TBC1D15: variants seen among roughly 807,000 people sequenced by gnomAD.
The protein encoded by TBC1D15 is GAP for RAB7.
In TBC1D15, 39 loss-of-function variants were observed where a neutral mutation model predicts 95.4. The observed-to-expected ratio is 0.41, with a 90% confidence interval of 0.32 to 0.53. The LOEUF is 0.53. Ranked by LOEUF, TBC1D15 falls within the 20% of genes least tolerant of loss-of-function variation. TBC1D15 has a pLI of 0.29. For missense variants in TBC1D15, 733 were observed against 794.3 expected, an observed-to-expected ratio of 0.92 and a Z score of 0.93; for synonymous variants, 258 against 261.3, an observed-to-expected ratio of 0.99 and a Z score of 0.12.
At chr12:71,887,538 A>G (rs1592764530) in intron 5 of TBC1D15, among the ~76,000 whole-genome samples, 1 of 152,296 alleles carries the variant, frequency 6.6e-6, no homozygotes, top group Non-Finnish European at 1.5e-5. Flanking sequence ...TTCAGTTCCT[A>G]AAACCCCCTA....
chr12:71,878,411 C>CAGAGAGAG (rs148681015), intron 3 of TBC1D15, among the ~76,000 whole-genome samples: 15 of 148,798 alleles, frequency 1.0e-4, no homozygotes, highest in African/African-American at 3.2e-4. Context: ...AAGTAGAAGT[C>CAGAGAGAG]AGAGAGAGAG....
chr12:71,863,017 G>T (rs1890714768), intron 1 of TBC1D15, among the ~76,000 whole-genome samples: 1 of 152,156 alleles, frequency 6.6e-6, no homozygotes, highest in African/African-American at 2.4e-5. Flanking sequence ...TTGGCTGGAA[G>T]TATTTTTCTT....
At chr12:71,864,418 T>C (rs1479399913) in intron 1 of TBC1D15, among the ~76,000 whole-genome samples, 18 of 152,086 alleles carry the variant, frequency 1.2e-4, no homozygotes, top group Admixed American at 1.2e-3. Context: ...TTGCATCTAG[T>C]GGAACAATTC....
intron 1 of TBC1D15, chr12:71,850,400 C>A: frequency 3.6e-6 from 1 of 275,582 alleles, no homozygotes; most frequent in Non-Finnish European, 7.0e-6. Context: ...CCAGCTCCTT[C>A]TGAGCAGGTT....
intron 1 of TBC1D15, among the ~76,000 whole-genome samples, chr12:71,867,680 G>T (rs1418973175): frequency 6.6e-6 from 1 of 152,126 alleles, no homozygotes; most frequent in African/African-American, 2.4e-5. Context: ...TTAGAGACAG[G>T]ATCTTACTTT....
intron 1 of TBC1D15, among the ~76,000 whole-genome samples, chr12:71,865,825 G>A (rs965502751): frequency 1.4e-4 from 21 of 152,182 alleles, no homozygotes; most frequent in African/African-American, 5.1e-4. Context: ...AGTTTCCCAG[G>A]GAGTGATATG....
At chr12:71,882,691 AG>A (rs1412168379) in intron 4 of TBC1D15, among the ~76,000 whole-genome samples, 1 of 151,096 alleles carries the variant, frequency 6.6e-6, no homozygotes, top group Non-Finnish European at 1.5e-5. Flanking sequence ...ACTTGATACT[AG>A]GTTGTTAATT....
chr12:71,921,368 C>A lies in TBC1D15; in HGVS notation c.1717C>A (p.His573Asn). 6.5e-7 allele frequency: 1 copy of A among 1,540,546 alleles called. No homozygotes were observed. Among genetic ancestry groups the A allele is most frequent in the Non-Finnish European group, 8.8e-7 (1 of 1,134,142 alleles). ...ATTTTATTTTGTTGATACTTTTTAG[C>A]ATATCAATGAATTGTCCATGAAAAT... is the stretch of plus-strand genomic sequence containing the variant. ...KHYGFNEILK[H>N]INELSMKIDV... The change falls in exon 16 of 17, where the codon CAT (histidine) becomes AAT (asparagine). Residue 573 changes from histidine to asparagine, a missense_variant and splice_region_variant. Transcript: ENST00000485960.
rs577868893 is a variant in TBC1D15 at position 71,855,526 on chromosome 12, G to T, written c.30+15715G>T. On this transcript the variant is annotated intron_variant, in intron 1 of 16. Transcript: ENST00000485960. ...ACTAAAAATACAAAAAAATTAGCCAGGCGTGGTGGTGTGTGCCTGTAGTCC... is the reference window on the plus strand; with the variant it reads ...ACTAAAAATACAAAAAAATTAGCCATGCGTGGTGGTGTGTGCCTGTAGTCC... 5.4e-4 allele frequency among the ~76,000 whole-genome samples: 82 copies of T among 152,038 alleles called. 1 individual carries two copies. The South Asian group carries it at 0.016, about 31-fold the overall frequency.
intron 1 of TBC1D15, among the ~76,000 whole-genome samples, chr12:71,853,669 T>C (rs1480393616): frequency 6.6e-6 from 1 of 152,342 alleles, no homozygotes. Flanking sequence ...GTGCTAGATA[T>C]TTTTGTGTTC....
At position 71,894,667 on chromosome 12, in the gene TBC1D15, T is replaced by G; in HGVS notation, c.658-19T>G. On this transcript the variant is annotated intron_variant, in intron 6 of 16. Coordinates refer to ENST00000485960, the MANE Select transcript of TBC1D15 (RefSeq NM_001146213.3). ...TTATTTGAGTTAATAATGCTAATAT[T>G]TTTCTTCCTACTGCATAGAAAATTA... The G allele has an allele frequency of 6.3e-7, 1 of 1,593,806 alleles. No individual in the cohort carries two copies. Among genetic ancestry groups the G allele is most frequent in the Non-Finnish European group, 8.5e-7 (1 of 1,170,846 alleles).
chr12:71,849,956 C>G, intron 1 of TBC1D15: 1 of 532,312 alleles, frequency 1.9e-6, no homozygotes, highest in South Asian at 1.6e-5. Context: ...GGGTGTTGAT[C>G]CAGTATTGCA....
Position 71,918,007 on chromosome 12 carries a change from A to AG in TBC1D15, c.1501+210_1501+211insG, listed in dbSNP as rs533862525. Among the ~76,000 whole-genome samples the AG allele has an allele frequency of 1.2e-4, 18 of 152,224 alleles. No homozygotes were observed. The East Asian group carries it at 3.5e-3, about 29-fold the overall frequency. On this transcript the variant is annotated intron_variant, in intron 13 of 16. Transcript: ENST00000485960. ...ACCCCATCTCTACAAGGAAAAAAAA[A>AG]TGCTGGCTGTGGTGATGCATGCCTG...
intron 10 of TBC1D15, among the ~76,000 whole-genome samples, chr12:71,904,616 C>T (rs1262480962): frequency 6.6e-6 from 1 of 152,042 alleles, no homozygotes; most frequent in Non-Finnish European, 1.5e-5. Context: ...GGTTCTCATG[C>T]ACAAGAGGAG....
At chr12:71,849,571 T>C (rs1887232993) in intron 1 of TBC1D15, 4 of 673,590 alleles carry the variant, frequency 5.9e-6, no homozygotes, top group Admixed American at 2.0e-5. Flanking sequence ...CTGTCCAGAT[T>C]GATGAAAATA....
At chr12:71,883,738 T>C (rs1200785765) in intron 4 of TBC1D15, among the ~76,000 whole-genome samples, 1 of 152,160 alleles carries the variant, frequency 6.6e-6, no homozygotes. Context: ...GTGACACTTC[T>C]TAAGAAATAA....
chr12:71,877,008 A>G (rs1197030404), intron 3 of TBC1D15, among the ~76,000 whole-genome samples: 1 of 151,542 alleles, frequency 6.6e-6, no homozygotes, highest in African/African-American at 2.4e-5. Context: ...GCAAGGTTTC[A>G]CCATGTTGGC....
At chr12:71,904,510 C>T (rs1295551930) in intron 10 of TBC1D15, among the ~76,000 whole-genome samples, 2 of 151,970 alleles carry the variant, frequency 1.3e-5, no homozygotes, top group African/African-American at 4.8e-5. Context: ...GGGAATGGTA[C>T]AGTAGAAAGG....
At chr12:71,844,308 G>A (rs1040795552) in intron 1 of TBC1D15, among the ~76,000 whole-genome samples, 1 of 152,142 alleles carries the variant, frequency 6.6e-6, no homozygotes, top group African/African-American at 2.4e-5. Flanking sequence ...CTTTAGCATG[G>A]CTTATGCAGC....
Sources: gnomAD v4.1 joint callset for allele counts (sites outside exome capture counted in the v4.1 genomes callset) on GRCh38, gnomAD v4.1.1 for gene constraint, MANE v1.5 for transcripts, NCBI Gene and HGNC (gene_info 2026-07-23, HGNC 2026-07-21) for gene names.